The following RCOR1 variants were observed in gnomAD, a reference collection of about 807,000 sequenced individuals.
RCOR1 encodes the protein REST corepressor.
RCOR1 carries 12 observed loss-of-function variants against 64.0 expected under a neutral mutation model. The ratio of observed to expected loss-of-function variants is 0.19; its 90% CI spans 0.12 to 0.30. The LOEUF (loss-of-function observed/expected upper bound fraction) is 0.30. Ranked by LOEUF, RCOR1 falls within the 10% of genes least tolerant of loss-of-function variation. The probability of loss-of-function intolerance (pLI) is 1.00; values close to 1 mark genes in which losing one functional copy is unlikely to be tolerated. For synonymous variants in RCOR1, 279 were observed against 227.2 expected, an observed-to-expected ratio of 1.23 and a Z score of -2.05; for missense variants, 502 against 621.2, an observed-to-expected ratio of 0.81 and a Z score of 2.04.
intron 2 of RCOR1, among the ~76,000 whole-genome samples, chr14:102,653,915 ATTTCCTTCTTTC>A (rs1894646205): frequency 7.9e-6 from 1 of 127,256 alleles, no homozygotes; most frequent in Non-Finnish European, 1.7e-5. Flanking sequence ...CATCTCAGGT[ATTTCCTTCTTTC>A]TTTCTTTCTT....
At chr14:102,676,408 G>A (rs1895156377) in intron 2 of RCOR1, among the ~76,000 whole-genome samples, 1 of 132,664 alleles carries the variant, frequency 7.5e-6, no homozygotes, top group Non-Finnish European at 1.6e-5. Flanking sequence ...TTCCCAGTAG[G>A]GGCGGCCAGG....
intron 2 of RCOR1, among the ~76,000 whole-genome samples, chr14:102,596,442 T>C (rs1025705433): frequency 6.6e-6 from 1 of 152,234 alleles, no homozygotes; most frequent in African/African-American, 2.4e-5. Context: ...TTCTTAGCTG[T>C]TTAAGACTTA....
rs185724022 is a variant in RCOR1, at chr14:102,632,379, G to A, written c.361+39054G>A. On this transcript the variant is annotated intron_variant, in intron 2 of 11. Transcript: ENST00000262241. ...ACTACAGGCCCCCACCACCACGCCC[G>A]GCTCATTTTTTGTATTTTTAGTAGA... Among the ~76,000 whole-genome samples the A allele has an allele frequency of 8.6e-5, 13 of 151,272 alleles. No individual in the cohort carries two copies. In the East Asian group the frequency reaches 2.6e-3, roughly 30 times the overall value.
At chr14:102,606,608 C>A (rs959923722) in intron 2 of RCOR1, among the ~76,000 whole-genome samples, 7 of 151,834 alleles carry the variant, frequency 4.6e-5, no homozygotes, top group African/African-American at 1.7e-4. Context: ...GTTTTTTGAA[C>A]CACCAAATCA....
intron 3 of RCOR1, among the ~76,000 whole-genome samples, chr14:102,686,163 C>T (rs1456235548): frequency 1.3e-5 from 2 of 152,206 alleles, no homozygotes; most frequent in African/African-American, 4.8e-5. Context: ...CTCAGTGGCA[C>T]AGTCATAGCT....
chr14:102,708,656 G>A, intron 6 of RCOR1, 73 bp downstream of exon 6: 2 of 819,580 alleles, frequency 2.4e-6, no homozygotes, highest in Non-Finnish European at 4.1e-6. Context: ...CAAAGGCAAG[G>A]CAGAATGACT....
chr14:102,632,736 TCCC>T (rs1417277530), intron 2 of RCOR1, among the ~76,000 whole-genome samples: 211 of 3,464 alleles, frequency 0.061, 22 homozygotes, highest in Middle Eastern at 0.25. Context: ...TCTTCTCCCC[TCCC>T]CTCCCCTCCC....
At chr14:102,650,618 A>T (rs1445706025) in intron 2 of RCOR1, among the ~76,000 whole-genome samples, 1 of 152,210 alleles carries the variant, frequency 6.6e-6, no homozygotes, top group Non-Finnish European at 1.5e-5. Context: ...TGTAGACAGG[A>T]TTAAGCCACT....
intron 3 of RCOR1, among the ~76,000 whole-genome samples, chr14:102,694,876 T>A (rs890244726): frequency 1.3e-5 from 2 of 152,258 alleles, no homozygotes; most frequent in Non-Finnish European, 2.9e-5. Context: ...GCATGTTCAG[T>A]TGAGTGATGA....
chr14:102,702,142 A>G (rs1484054248), intron 4 of RCOR1, among the ~76,000 whole-genome samples: 1 of 152,186 alleles, frequency 6.6e-6, no homozygotes, highest in African/African-American at 2.4e-5. Context: ...GAAGTTACTG[A>G]CATTTCTTAT....
chr14:102,659,321 G>T, intron 2 of RCOR1: 1 of 960,014 alleles, frequency 1.0e-6, no homozygotes, highest in Non-Finnish European at 1.2e-6. Context: ...AAATAGTGAG[G>T]TACCAGAATC....
intron 2 of RCOR1, among the ~76,000 whole-genome samples, chr14:102,634,636 GTATATA>G (rs761011160): frequency 5.0e-5 from 7 of 141,326 alleles, no homozygotes; most frequent in South Asian, 2.1e-4. Flanking sequence ...GTGTATGTGT[GTATATA>G]TATATATATG....
chr14:102,592,923 G>T lies in RCOR1; in HGVS notation c.37G>T (p.Gly13Trp). 1 of 1,241,344 alleles carries T rather than the reference G, an allele frequency of 8.1e-7. No homozygotes were observed. 76.9% of individuals were successfully genotyped at this position (1,241,344 alleles called of 1,614,324 possible). ...GGTGGAGAAGGGCCCCGAGGTCTCA[G>T]GGAAGCGGAGAGGGAGGAACAACGC... ...AMVEKGPEVS[G>W]KRRGRNNAAA... Residue 13 changes from glycine to tryptophan, a missense_variant, in exon 1 of 12, where the codon GGG (glycine) becomes TGG (tryptophan). Transcript: ENST00000262241.
intron 2 of RCOR1, among the ~76,000 whole-genome samples, chr14:102,679,638 C>A (rs1476838111): frequency 6.6e-6 from 1 of 152,098 alleles, no homozygotes; most frequent in Non-Finnish European, 1.5e-5. Flanking sequence ...GCCACCACGC[C>A]CGGCTAATTT....
rs909872174 is a variant in RCOR1 at position 102,726,904 on chromosome 14, T to C, written c.*398T>C. ...CCTGCATGGCCTGCAGTTTCTACTTTGTGCATAGAGTCATTTTCAGAGTCA... is the reference window on the plus strand; with the variant it reads ...CCTGCATGGCCTGCAGTTTCTACTTCGTGCATAGAGTCATTTTCAGAGTCA... On this transcript the variant is annotated 3_prime_UTR_variant, in exon 12 of 12. Transcript: ENST00000262241. 1.9e-5 allele frequency: 4 copies of C among 208,516 alleles called. No individual in the cohort carries two copies. The highest frequency in any genetic ancestry group is 9.3e-5 in the African/African-American group (4 of 42,884). The allele number at this position is 208,516 out of a possible 1,614,324, so 12.9% of individuals were successfully genotyped here.
chr14:102,723,234 A>G (rs1896197014), intron 11 of RCOR1, among the ~76,000 whole-genome samples: 2 of 152,238 alleles, frequency 1.3e-5, no homozygotes, highest in Non-Finnish European at 2.9e-5. Context: ...TTCAAACCAT[A>G]CTGGAATGTT....
intron 2 of RCOR1, among the ~76,000 whole-genome samples, chr14:102,628,608 G>C (rs1373735461): frequency 6.6e-6 from 1 of 151,570 alleles, no homozygotes; most frequent in Non-Finnish European, 1.5e-5. Context: ...GGGCCAATAA[G>C]GGGGAAAGCC....
intron 2 of RCOR1, among the ~76,000 whole-genome samples, chr14:102,665,480 A>G (rs1028084926): frequency 1.4e-4 from 21 of 152,306 alleles, no homozygotes; most frequent in Non-Finnish European, 2.9e-4. Flanking sequence ...TTTGTGATAC[A>G]TTTATCAGGA....
At chr14:102,608,830 G>A (rs1893568740) in intron 2 of RCOR1, among the ~76,000 whole-genome samples, 1 of 151,792 alleles carries the variant, frequency 6.6e-6, no homozygotes, top group South Asian at 2.1e-4. Flanking sequence ...CTCCCAAAAT[G>A]CTGAGCTTAT....
Sources: allele counts gnomAD v4.1 joint callset (sites outside exome capture counted in the v4.1 genomes callset), GRCh38; gene constraint gnomAD v4.1.1; transcripts MANE v1.5; gene names NCBI Gene and HGNC (gene_info 2026-07-23, HGNC 2026-07-21).